STK32B: variants seen among roughly 807,000 people sequenced by gnomAD.
STK32B encodes the protein serine/threonine-protein kinase 32B.
A neutral mutation model predicts 52.6 loss-of-function variants in STK32B; 43 were observed. The observed-to-expected ratio is 0.82, with a 90% CI of 0.64 to 1.05. The LOEUF is 1.05. STK32B is among the 50% of genes least tolerant of loss of function. STK32B has a pLI of 0.00. For synonymous variants in STK32B, 238 were observed against 204.3 expected, an observed-to-expected ratio of 1.17 and a Z score of -1.41; for missense variants, 621 against 534.6, an observed-to-expected ratio of 1.16 and a Z score of -1.59.
At chr4:5,222,026 AG>A (rs1723571521) in intron 3 of STK32B, among the ~76,000 whole-genome samples, 3 of 152,272 alleles carry the variant, frequency 2.0e-5, no homozygotes, top group Admixed American at 2.0e-4. Context: ...CTGCTATTTG[AG>A]GACCTAGCAT....
At chr4:5,212,669 T>C (rs1577199774) in intron 3 of STK32B, among the ~76,000 whole-genome samples, 1 of 152,218 alleles carries the variant, frequency 6.6e-6, no homozygotes, top group African/African-American at 2.4e-5. Context: ...ACATTTGTCA[T>C]CGTCCCTTAA....
rs115885551 is a variant in STK32B, at chr4:5,465,214, G to T, written c.910-1489G>T. Among the ~76,000 whole-genome samples the T allele has an allele frequency of 3.3e-3, 509 of 152,258 alleles. 4 individuals carry two copies. The highest frequency in any genetic ancestry group is 0.012 in the African/African-American group (484 of 41,564). On this transcript the variant is annotated intron_variant, in intron 9 of 11. Coordinates refer to ENST00000282908, the MANE Select transcript of STK32B (RefSeq NM_018401.3). ...ACAACAACTCGGTAACATTTATTGG[G>T]CAACTCCTGTGTGGCAGGGGCTGGG...
chr4:5,113,263 C>T (rs1714508531), intron 1 of STK32B, among the ~76,000 whole-genome samples: 1 of 152,144 alleles, frequency 6.6e-6, no homozygotes, highest in African/African-American at 2.4e-5. Flanking sequence ...AAGAAGATGG[C>T]TATCTATGAA....
rs573625302 is a variant in STK32B at position 5,125,535 on chromosome 4, CCTTA to C, written c.53-14366_53-14363del. On this transcript the variant is annotated intron_variant, in intron 1 of 11. Transcript: ENST00000282908. ...GGGTGGGCGTGGTGGACCAGAGCAG[CCTTA>C]CTTGGCCTGAGGCCAGCGATGCAGG... is the stretch of plus-strand genomic sequence containing the variant. Among the ~76,000 whole-genome samples, 496 of 152,274 alleles carry C rather than the reference CCTTA, an allele frequency of 3.3e-3. 2 individuals are homozygous for C. Among genetic ancestry groups the C allele is most frequent in the African/African-American group, 0.011 (451 of 41,558 alleles).
chr4:5,468,092 C>T (rs1173782980), intron 11 of STK32B, 22 bp downstream of exon 11: 4 of 1,612,580 alleles, frequency 2.5e-6, no homozygotes, highest in Non-Finnish European at 3.4e-6. Context: ...ATACTGTCCC[C>T]CTTGGGCAAA....
At position 5,378,210 on chromosome 4, in the gene STK32B, C is replaced by T. The variant is rs1171450143; in HGVS notation, c.435-19997C>T. Among the ~76,000 whole-genome samples the T allele has an allele frequency of 6.6e-6, 1 of 152,170 alleles. No individual in the cohort carries two copies. The highest frequency in any genetic ancestry group is 2.4e-5 in the African/African-American group (1 of 41,430). On this transcript the variant is annotated intron_variant, in intron 4 of 11. Transcript: ENST00000282908. This position sits in a 1 kb window ranked among gnomAD's most constrained non-coding sequence, Gnocchi z 4.4. ...AGTAGCGCCCACTGGTGACAGCAGGCACTTTATGAAAGACAGACGTTAGAG... is the reference window on the plus strand; with the variant it reads ...AGTAGCGCCCACTGGTGACAGCAGGTACTTTATGAAAGACAGACGTTAGAG...
chr4:5,366,353 C>G (rs1485864786), intron 4 of STK32B, among the ~76,000 whole-genome samples: 3 of 152,170 alleles, frequency 2.0e-5, no homozygotes, highest in Non-Finnish European at 4.4e-5. Context: ...AAGGGTTTGA[C>G]AAGGAGGAAA....
chr4:5,443,886 G>T (rs1193407344), intron 6 of STK32B, among the ~76,000 whole-genome samples: 1 of 152,184 alleles, frequency 6.6e-6, no homozygotes, highest in Non-Finnish European at 1.5e-5. Flanking sequence ...TGCCCCTGCT[G>T]GGGGGTGCCT....
intron 3 of STK32B, among the ~76,000 whole-genome samples, chr4:5,274,679 C>T (rs1000626820): frequency 2.0e-5 from 3 of 152,218 alleles, no homozygotes; most frequent in East Asian, 1.9e-4. Context: ...AGCAGCGACC[C>T]TCTTTGGGTC....
At position 5,161,567 on chromosome 4, in the gene STK32B, C is replaced by T. The variant is rs141791975; in HGVS notation, c.109-6732C>T. 5.7e-3 allele frequency among the ~76,000 whole-genome samples: 872 copies of T among 152,186 alleles called. 1 individual carries two copies. Among genetic ancestry groups the T allele is most frequent in the Non-Finnish European group, 8.2e-3 (561 of 68,018 alleles). ...TGTAGTTATTCTCTTTTGTACAGAA[C>T]GCAAGACTTTCCCTAGAAACCTCTA... On this transcript the variant is annotated intron_variant, in intron 2 of 11. Transcript: ENST00000282908.
At chr4:5,140,461 T>A (rs1049628081) in intron 2 of STK32B, among the ~76,000 whole-genome samples, 3 of 152,216 alleles carry the variant, frequency 2.0e-5, no homozygotes, top group African/African-American at 7.2e-5. Context: ...TGGCAATAAT[T>A]GCTTTGAGTA....
intron 6 of STK32B, chr4:5,438,092 A>C: frequency 1.0e-6 from 1 of 985,468 alleles, no homozygotes; most frequent in Non-Finnish European, 1.2e-6. Flanking sequence ...TTGATGGGGA[A>C]CACCTCGGCA....
At chr4:5,295,441 C>T (rs1401658177) in intron 3 of STK32B, among the ~76,000 whole-genome samples, 3 of 151,424 alleles carry the variant, frequency 2.0e-5, no homozygotes, top group African/African-American at 7.2e-5. Flanking sequence ...ATTACTGCCT[C>T]AATTTCAGAA....
chr4:5,408,335 C>T (rs1004957722), intron 5 of STK32B, among the ~76,000 whole-genome samples: 1 of 151,966 alleles, frequency 6.6e-6, no homozygotes, highest in East Asian at 1.9e-4. Flanking sequence ...TTCTTGTGAG[C>T]TCTGGTTGTT....
At chr4:5,229,817 G>C (rs1465378300) in intron 3 of STK32B, among the ~76,000 whole-genome samples, 1 of 152,020 alleles carries the variant, frequency 6.6e-6, no homozygotes, top group Non-Finnish European at 1.5e-5. Context: ...TTCTAAGTGA[G>C]TATAAGGAAA....
Position 5,311,914 on chromosome 4 carries a change from A to ATATATTT in STK32B, c.261-19305_261-19304insATATTTT, listed in dbSNP as rs143725868. Among the ~76,000 whole-genome samples, 861 of 145,474 alleles carry ATATATTT rather than the reference A, an allele frequency of 5.9e-3. 10 individuals carry two copies. Among genetic ancestry groups the ATATATTT allele is most frequent in the African/African-American group, 0.021 (814 of 38,562 alleles). On this transcript the variant is annotated intron_variant, in intron 3 of 11. Coordinates refer to ENST00000282908, the MANE Select transcript of STK32B (RefSeq NM_018401.3). ...GAAGTGCATACTTTTATATATATAT[A>ATATATTT]TTTTTTTTTAAAGTTTATTCTTATT...
At chr4:5,243,501 G>A (rs373934117) in intron 3 of STK32B, among the ~76,000 whole-genome samples, 3 of 152,146 alleles carry the variant, frequency 2.0e-5, no homozygotes, top group East Asian at 3.9e-4. Flanking sequence ...GGTTTTCTAG[G>A]TATACAATCA....
At chr4:5,020,987 C>A in the STK32B span, among the ~76,000 whole-genome samples, 1 of 152,160 alleles carries the variant, frequency 6.6e-6, no homozygotes, top group Admixed American at 6.5e-5. Flanking sequence ...AGGGGAGCAT[C>A]CTGGGCAAGC....
chr4:5,098,019 G>A (rs1235790430), intron 1 of STK32B, among the ~76,000 whole-genome samples: 2 of 152,170 alleles, frequency 1.3e-5, no homozygotes, highest in Non-Finnish European at 2.9e-5. Flanking sequence ...TCTGTTCCAC[G>A]TGATCTCTTA....
Sources: allele counts gnomAD v4.1 joint callset (sites outside exome capture counted in the v4.1 genomes callset), GRCh38; gene constraint gnomAD v4.1.1; non-coding constraint Gnocchi (gnomAD v3.1); transcripts MANE v1.5; gene names NCBI Gene and HGNC (gene_info 2026-07-23, HGNC 2026-07-21).